ANKRD55: variants seen among roughly 807,000 people sequenced by gnomAD.
The protein encoded by ANKRD55 is ankyrin repeat domain 55.
ANKRD55 carries 41 observed loss-of-function variants against 60.6 expected under a neutral mutation model. The observed-to-expected ratio is 0.68, with a 90% CI of 0.53 to 0.88. The LOEUF (loss-of-function observed/expected upper bound fraction) is 0.88, where lower values mean the gene tolerates loss of function less well. Among genes scored for constraint, ANKRD55 ranks in the 40% least tolerant of loss-of-function variants. The pLI is 0.00. For synonymous variants in ANKRD55, 264 were observed against 290.3 expected, an observed-to-expected ratio of 0.91 and a Z score of 0.92; for missense variants, 732 against 767.6, an observed-to-expected ratio of 0.95 and a Z score of 0.55.
intron 7 of ANKRD55, among the ~76,000 whole-genome samples, chr5:56,142,293 C>T (rs917626006): frequency 1.3e-5 from 2 of 152,158 alleles, no homozygotes; most frequent in Admixed American, 6.5e-5. Flanking sequence ...GAGATCGCAC[C>T]ACTGCACTCT....
chr5:56,122,875 C>A (rs1003470046), intron 8 of ANKRD55, among the ~76,000 whole-genome samples: 1 of 151,502 alleles, frequency 6.6e-6, no homozygotes. Flanking sequence ...AAGCAATCCT[C>A]ACATGTCAGC....
chr5:56,233,146 A>G, intron 1 of ANKRD55, 95 bp downstream of exon 1: 1 of 565,096 alleles, frequency 1.8e-6, no homozygotes, highest in Non-Finnish European at 3.2e-6. Context: ...CTCATTCATC[A>G]GCTGTACATG....
intron 5 of ANKRD55, among the ~76,000 whole-genome samples, chr5:56,164,737 CAAG>C (rs1349524869): frequency 6.6e-6 from 1 of 152,146 alleles, no homozygotes; most frequent in Non-Finnish European, 1.5e-5. Flanking sequence ...GCCAAGGAAG[CAAG>C]AAAAGCCTTG....
At chr5:56,181,787 AC>A (rs1334372055) in intron 3 of ANKRD55, among the ~76,000 whole-genome samples, 86 of 152,278 alleles carry the variant, frequency 5.6e-4, no homozygotes, top group African/African-American at 2.0e-3. Flanking sequence ...ACGGGGTTTC[AC>A]CGTGTTGGCC....
chr5:56,123,117 C>T (rs1437762909), intron 8 of ANKRD55, among the ~76,000 whole-genome samples: 8 of 152,064 alleles, frequency 5.3e-5, no homozygotes, highest in South Asian at 4.1e-4. Context: ...GTAAGTCACT[C>T]GGGAAATGGG....
At chr5:56,109,640 T>C (rs960085222) in intron 10 of ANKRD55, among the ~76,000 whole-genome samples, 2 of 151,898 alleles carry the variant, frequency 1.3e-5, no homozygotes, top group African/African-American at 2.4e-5. Context: ...ACCCAGCCTA[T>C]GGATCATTTA....
intron 2 of ANKRD55, among the ~76,000 whole-genome samples, chr5:56,185,438 G>T (rs999817817): frequency 6.6e-6 from 1 of 152,136 alleles, no homozygotes; most frequent in African/African-American, 2.4e-5. Context: ...AGGCTGAGGT[G>T]GGTGGATCAC....
chr5:56,164,390 C>A lies in ANKRD55; in HGVS notation c.423-4497G>T, dbSNP rs573495669. ...GAGCTGCCTGTATTAGAGTGTGCTG[C>A]AGTGAGACAAACACTGCAGGTCAGA... On this transcript the variant is annotated intron_variant, in intron 5 of 11. Transcript: ENST00000341048. 6.6e-5 allele frequency among the ~76,000 whole-genome samples: 10 copies of A among 152,256 alleles called. No individual in the cohort carries two copies. The South Asian group carries it at 2.1e-3, about 32-fold the overall frequency.
chr5:56,136,582 C>G (rs1757604464), intron 7 of ANKRD55, among the ~76,000 whole-genome samples: 1 of 152,104 alleles, frequency 6.6e-6, no homozygotes, highest in African/African-American at 2.4e-5. Flanking sequence ...AGACCTTATA[C>G]CTTTCACAAA....
chr5:56,135,259 C>CTTCCTTCCTTCCTTCCTTCA (rs1561263762), intron 7 of ANKRD55, among the ~76,000 whole-genome samples: 1 of 123,574 alleles, frequency 8.1e-6, no homozygotes, highest in Admixed American at 7.8e-5. Context: ...TCCTTCCTTC[C>CTTCCTTCCTTCCTTCCTTCA]TTCTTTCCCT....
chr5:56,205,628 T>C lies in ANKRD55; in HGVS notation c.59-21994A>G, dbSNP rs532869252. ...ATTCTGCATGTCTAGCTAGCATCTG[T>C]GGAGAACCAAACAGTGAATCTTGGG... On this transcript the variant is annotated intron_variant, in intron 2 of 11. Transcript: ENST00000341048. Among the ~76,000 whole-genome samples, 6 of 152,264 alleles carry C rather than the reference T, an allele frequency of 3.9e-5. No homozygotes were observed. The South Asian group carries it at 8.3e-4, about 21-fold the overall frequency.
Position 56,223,169 on chromosome 5 carries a change from A to G in ANKRD55, c.58+9687T>C, listed in dbSNP as rs1760013976. On this transcript the variant is annotated intron_variant, in intron 2 of 11. Coordinates refer to ENST00000341048, the MANE Select transcript of ANKRD55 (RefSeq NM_024669.3). ...TAGATGATCTCTTGGCAGAAACTCTACAAGCCAGAAGAGAGTGAGGGCCAA... is the reference window on the plus strand; with the variant it reads ...TAGATGATCTCTTGGCAGAAACTCTGCAAGCCAGAAGAGAGTGAGGGCCAA... Among the ~76,000 whole-genome samples, 3 of 152,350 alleles carry G rather than the reference A, an allele frequency of 2.0e-5. No individual in the cohort carries two copies. In the South Asian group the frequency reaches 6.2e-4, roughly 32 times the overall value.
chr5:56,192,794 C>A (rs2111845592), intron 2 of ANKRD55: 1 of 921,874 alleles, frequency 1.1e-6, no homozygotes, highest in Non-Finnish European at 1.7e-6. Context: ...CGCTGAAAAC[C>A]TCTATTAGCA....
At chr5:56,107,506 A>C (rs537732210) in intron 10 of ANKRD55, among the ~76,000 whole-genome samples, 2 of 152,178 alleles carry the variant, frequency 1.3e-5, no homozygotes, top group Non-Finnish European at 2.9e-5. Context: ...CTAACTCTCC[A>C]TCTAATATCT....
intron 2 of ANKRD55, 94 bp downstream of exon 2, chr5:56,232,762 A>ACG (rs1760288720): frequency 7.7e-7 from 1 of 1,294,306 alleles, no homozygotes; most frequent in Admixed American, 1.7e-5. Flanking sequence ...ACACACACAC[A>ACG]CACACACTTC....
rs1044241059 is a variant in ANKRD55, at chr5:56,176,349, T to G, written c.182-67A>C. On this transcript the variant is annotated intron_variant, in intron 3 of 11. Coordinates refer to ENST00000341048, the MANE Select transcript of ANKRD55 (RefSeq NM_024669.3). ...CATGAAACTGATGAGCAGGCTTTAT[T>G]GGCCTGTTCATTTATTTTGCTATTT... 3.2e-6 allele frequency: 5 copies of G among 1,583,882 alleles called. No individual in the cohort carries two copies. In the East Asian group the frequency reaches 9.0e-5, roughly 28 times the overall value.
intron 10 of ANKRD55, among the ~76,000 whole-genome samples, chr5:56,107,209 C>T (rs999054040): frequency 6.6e-6 from 1 of 152,040 alleles, no homozygotes; most frequent in African/African-American, 2.4e-5. Flanking sequence ...CCCCTTAAAG[C>T]TGATTTATAG....
At chr5:56,197,362 T>C (rs1358873516) in intron 2 of ANKRD55, among the ~76,000 whole-genome samples, 3 of 152,120 alleles carry the variant, frequency 2.0e-5, no homozygotes, top group African/African-American at 7.2e-5. Flanking sequence ...AAAGCATACA[T>C]AAAATCAGTG....
chr5:56,182,530 C>T (rs936449659), intron 3 of ANKRD55, among the ~76,000 whole-genome samples: 2 of 151,988 alleles, frequency 1.3e-5, no homozygotes, highest in South Asian at 2.1e-4. Flanking sequence ...ATTTTTGTCA[C>T]GGTTATTTTA....
Sources: gnomAD v4.1 joint callset for allele counts (sites outside exome capture counted in the v4.1 genomes callset) on GRCh38, gnomAD v4.1.1 for gene constraint, MANE v1.5 for transcripts, NCBI Gene and HGNC (gene_info 2026-07-23, HGNC 2026-07-21) for gene names.